Variants in KCNQ1 observed in about 807,000 individuals in gnomAD.
The protein encoded by KCNQ1 is potassium voltage-gated channel subfamily Q member 1.
KCNQ1 carries 49 observed loss-of-function variants against 72.4 expected under a neutral mutation model. The ratio of observed to expected loss-of-function variants is 0.68; its 90% CI spans 0.54 to 0.86. The LOEUF (loss-of-function observed/expected upper bound fraction) is 0.86, where lower values mean the gene tolerates loss of function less well. KCNQ1 is among the 40% of genes least tolerant of loss of function. The pLI is 0.00. For synonymous variants in KCNQ1, 450 were observed against 412.6 expected, an observed-to-expected ratio of 1.09 and a Z score of -1.10; for missense variants, 790 against 945.1, an observed-to-expected ratio of 0.84 and a Z score of 2.15.
chr11:2,651,075 T>C lies in KCNQ1; in HGVS notation c.1394-10886T>C, dbSNP rs997275595. The C allele has an allele frequency of 7.5e-6, 3 of 398,706 alleles. No individual in the cohort carries two copies. Among genetic ancestry groups the C allele is most frequent in the Non-Finnish European group, 1.3e-5 (3 of 226,172 alleles). 24.7% of individuals were successfully genotyped at this position (398,706 alleles called of 1,614,324 possible). A position where few individuals can be genotyped will look rare whatever the true frequency, so the allele number is the denominator to read the frequency against. ...TGCCTACATTGTTGTCCATACCTCA[T>C]TACTGGTCTCTTGATTTCCACTCTT... is the stretch of plus-strand genomic sequence containing the variant. On this transcript the variant is annotated intron_variant, in intron 10 of 15. Coordinates refer to ENST00000155840, the MANE Select transcript of KCNQ1 (RefSeq NM_000218.3). The surrounding 1 kb of genome is among the most constrained non-coding windows in gnomAD (Gnocchi z 6.1).
intron 1 of KCNQ1, among the ~76,000 whole-genome samples, chr11:2,505,157 C>T (rs1370273656): frequency 6.6e-6 from 1 of 152,016 alleles, no homozygotes; most frequent in Non-Finnish European, 1.5e-5. Flanking sequence ...ACCTGTCAAC[C>T]CATCACCTAG....
rs1382413457 is a variant in KCNQ1 at position 2,634,147 on chromosome 11, T to TA, written c.1394-27814_1394-27813insA. 10 of 397,892 alleles carry TA rather than the reference T, an allele frequency of 2.5e-5. No individual in the cohort carries two copies. In the Admixed American group the frequency reaches 3.5e-4, roughly 14 times the overall value. The allele number at this position is 397,892 out of a possible 1,614,324, so 24.6% of individuals were successfully genotyped here. On this transcript the variant is annotated intron_variant, in intron 10 of 15. Coordinates refer to ENST00000155840, the MANE Select transcript of KCNQ1 (RefSeq NM_000218.3). ...GATTGTCTTTGGTATTTTTTTTTTT[T>TA]TAGATTTCTCTTTTCTCTCTCTCTC... is the stretch of plus-strand genomic sequence containing the variant.
chr11:2,512,826 C>T (rs543958228), intron 1 of KCNQ1, among the ~76,000 whole-genome samples: 41 of 152,330 alleles, frequency 2.7e-4, no homozygotes, highest in African/African-American at 9.6e-4. Context: ...CACCCCTAGC[C>T]GTGGGAGTTG....
rs529146987 is a variant in KCNQ1 at position 2,819,259 on chromosome 11, C to T, written c.1795-28508C>T. ...TGACAGAGCATTGTGTGCTCTATGC[C>T]TGCCCATGTGCTGAGGAAGGAGCAG... On this transcript the variant is annotated intron_variant, in intron 15 of 15. Transcript: ENST00000155840. Among the ~76,000 whole-genome samples, 30 of 152,326 alleles carry T rather than the reference C, an allele frequency of 2.0e-4. No individual in the cohort carries two copies. The East Asian group carries it at 3.3e-3, about 17-fold the overall frequency.
chr11:2,718,271 C>G lies in KCNQ1; in HGVS notation c.1515-50573C>G, dbSNP rs966781290. 1.6e-3 allele frequency among the ~76,000 whole-genome samples: 246 copies of G among 152,318 alleles called. 1 individual carries two copies. The highest frequency in any genetic ancestry group is 1.7e-3 in the Non-Finnish European group (115 of 68,024). On this transcript the variant is annotated intron_variant, in intron 11 of 15. Transcript: ENST00000155840. ...TTGCTCTGGGCTTCAGGGGCCTGAG[C>G]CCCAGGTAGACCCCCACACTTAGGG...
rs113772972 is a variant in KCNQ1, at chr11:2,526,946, T to C, written c.387-982T>C. 0.068 allele frequency among the ~76,000 whole-genome samples: 10,405 copies of C among 152,138 alleles called. 1,121 individuals carry two copies. Among genetic ancestry groups the C allele is most frequent in the African/African-American group, 0.23 (9,381 of 41,480 alleles). ...TGGCCCTGGGGGCCATGTGGCCATC[T>C]CCTGGCTCTCCGGTCGCTGAGGATC... On this transcript the variant is annotated intron_variant, in intron 1 of 15. Transcript: ENST00000155840. This position sits in a 1 kb window ranked among gnomAD's most constrained non-coding sequence, Gnocchi z 6.1.
chr11:2,743,132 C>T (rs1286314691), intron 11 of KCNQ1, among the ~76,000 whole-genome samples: 3 of 152,162 alleles, frequency 2.0e-5, no homozygotes, highest in Non-Finnish European at 4.4e-5. Context: ...CAGATCTGGG[C>T]CTGGAGACCC....
rs1465806904 is a variant in KCNQ1, at chr11:2,698,439, C to T, written c.1514+36358C>T. Reference sequence around the variant, plus strand: ...TGGCCCTTCAAGCCTACTACCCAGACTGAGACCTGCATCTGATCAACTCTC... The same window carrying T: ...TGGCCCTTCAAGCCTACTACCCAGATTGAGACCTGCATCTGATCAACTCTC... On this transcript the variant is annotated intron_variant, in intron 11 of 15. Coordinates refer to ENST00000155840, the MANE Select transcript of KCNQ1 (RefSeq NM_000218.3). This position sits in a 1 kb window ranked among gnomAD's most constrained non-coding sequence, Gnocchi z 5.1. The T allele has an allele frequency of 2.7e-6, 1 of 374,776 alleles. No homozygotes were observed. The highest frequency in any genetic ancestry group is 4.6e-6 in the Non-Finnish European group (1 of 219,268). The allele number at this position is 374,776 out of a possible 1,614,324, so 23.2% of individuals were successfully genotyped here.
At chr11:2,685,091 G>A in intron 11 of KCNQ1, 1 of 398,670 alleles carries the variant, frequency 2.5e-6, no homozygotes, top group Non-Finnish European at 4.4e-6. Flanking sequence ...AGATTCCAGG[G>A]AAGGGGCCCT....
rs1850006306 is a variant in KCNQ1, at chr11:2,663,472, G to T, written c.1514+1391G>T. 2.5e-6 allele frequency: 1 copy of T among 398,598 alleles called. No homozygotes were observed. The highest frequency in any genetic ancestry group is 2.1e-5 in the African/African-American group (1 of 48,644). The allele number at this position is 398,598 out of a possible 1,614,324, so 24.7% of individuals were successfully genotyped here. Reference sequence around the variant, plus strand: ...CAAAGTGATCAGTGTTAGTTTAGTGGCTCATGTTGTGTGCAATACAGGTGG... The same window carrying T: ...CAAAGTGATCAGTGTTAGTTTAGTGTCTCATGTTGTGTGCAATACAGGTGG... On this transcript the variant is annotated intron_variant, in intron 11 of 15. Coordinates refer to ENST00000155840, the MANE Select transcript of KCNQ1 (RefSeq NM_000218.3). This position sits in a 1 kb window ranked among gnomAD's most constrained non-coding sequence, Gnocchi z 5.2.
chr11:2,557,645 A>T (rs536004306), intron 2 of KCNQ1, among the ~76,000 whole-genome samples: 2 of 152,150 alleles, frequency 1.3e-5, no homozygotes, highest in African/African-American at 4.8e-5. Context: ...TTGCATCTAC[A>T]TGGCTGGTAA....
Position 2,495,434 on chromosome 11 carries a change from G to A in KCNQ1, c.387-32494G>A, listed in dbSNP as rs1295360514. On this transcript the variant is annotated intron_variant, in intron 1 of 15. Transcript: ENST00000155840. This position sits in a 1 kb window ranked among gnomAD's most constrained non-coding sequence, Gnocchi z 4.6. Reference sequence around the variant, plus strand: ...GTTCTTTTAATTGTGATGTTTGGGTGTCGATTTCAGATCTCTCTAGCTTTC... The same window carrying A: ...GTTCTTTTAATTGTGATGTTTGGGTATCGATTTCAGATCTCTCTAGCTTTC... Among the ~76,000 whole-genome samples, 2 of 152,102 alleles carry A rather than the reference G, an allele frequency of 1.3e-5. No homozygotes were observed. The highest frequency in any genetic ancestry group is 4.8e-5 in the African/African-American group (2 of 41,396).
In KCNQ1 at chr11:2,446,632, G is replaced by A. The variant is rs1057310134; in HGVS notation, c.386+1148G>A. 3.9e-5 allele frequency among the ~76,000 whole-genome samples: 6 copies of A among 152,188 alleles called. No homozygotes were observed. The highest frequency in any genetic ancestry group is 7.4e-5 in the Non-Finnish European group (5 of 68,020). On this transcript the variant is annotated intron_variant, in intron 1 of 15. Coordinates refer to ENST00000155840, the MANE Select transcript of KCNQ1 (RefSeq NM_000218.3). This position sits in a 1 kb window ranked among gnomAD's most constrained non-coding sequence, Gnocchi z 8.8. ...CAGGTGAGGGGGTGGGGTAGGGGTC[G>A]CAGGGCTACTGCCTTCCTTGCTAAG...
At chr11:2,583,656 T>A (rs920449739) in intron 7 of KCNQ1, 111 bp downstream of exon 7, 2 of 804,348 alleles carry the variant, frequency 2.5e-6, no homozygotes, top group Non-Finnish European at 4.4e-6. Flanking sequence ...ACCAAGAGGG[T>A]GCTTCCCTTC....
Position 2,617,070 on chromosome 11 carries a change from CT to C in KCNQ1, c.1393+28220del, listed in dbSNP as rs1849079069. The C allele has an allele frequency of 2.5e-6, 1 of 397,834 alleles. No homozygotes were observed. Among genetic ancestry groups the C allele is most frequent in the Non-Finnish European group, 4.4e-6 (1 of 225,792 alleles). 24.6% of individuals were successfully genotyped at this position (397,834 alleles called of 1,614,324 possible). On this transcript the variant is annotated intron_variant, in intron 10 of 15. Coordinates refer to ENST00000155840, the MANE Select transcript of KCNQ1 (RefSeq NM_000218.3). This position sits in a 1 kb window ranked among gnomAD's most constrained non-coding sequence, Gnocchi z 4.6. ...ATATGTCCATCATCTCACAGTTATT[CT>C]TTTGTGTGTATGAGTGAGAAAAGCT...
At chr11:2,672,017 G>T (rs1411064096) in intron 11 of KCNQ1, 1 of 398,540 alleles carries the variant, frequency 2.5e-6, no homozygotes. Context: ...TGTTGGGCTT[G>T]TCTCCCTACC....
In KCNQ1 at chr11:2,674,878, G is replaced by A; in HGVS notation, c.1514+12797G>A. 2.5e-6 allele frequency: 1 copy of A among 396,564 alleles called. No homozygotes were observed. The allele number at this position is 396,564 out of a possible 1,614,324, so 24.6% of individuals were successfully genotyped here. Reference sequence around the variant, plus strand: ...AAAAAAAAGCTCACTGGGCACCTTGGCTGCAGGGTCTGAAAAGTCCTTTGT... The same window carrying A: ...AAAAAAAAGCTCACTGGGCACCTTGACTGCAGGGTCTGAAAAGTCCTTTGT... On this transcript the variant is annotated intron_variant, in intron 11 of 15. Transcript: ENST00000155840. This position sits in a 1 kb window ranked among gnomAD's most constrained non-coding sequence, Gnocchi z 5.9.
rs1464690937 is a variant in KCNQ1 at position 2,484,052 on chromosome 11, T to C, written c.386+38568T>C. Among the ~76,000 whole-genome samples the C allele has an allele frequency of 6.6e-6, 1 of 152,244 alleles. No individual in the cohort carries two copies. Among genetic ancestry groups the C allele is most frequent in the African/African-American group, 2.4e-5 (1 of 41,464 alleles). ...ATTTGGATTCTTCTCCAGGAAGAGCTGTCCCCTTTGTTCTGGTTATGTATC... is the reference window on the plus strand; with the variant it reads ...ATTTGGATTCTTCTCCAGGAAGAGCCGTCCCCTTTGTTCTGGTTATGTATC... On this transcript the variant is annotated intron_variant, in intron 1 of 15. Transcript: ENST00000155840. This position sits in a 1 kb window ranked among gnomAD's most constrained non-coding sequence, Gnocchi z 5.2.
chr11:2,646,461 G>A (rs1849667866), intron 10 of KCNQ1: 1 of 398,516 alleles, frequency 2.5e-6, no homozygotes, highest in Middle Eastern at 6.3e-4. Context: ...TATTGCAAAT[G>A]GGATTGCTTT....
Sources: gnomAD v4.1 joint callset for allele counts (sites outside exome capture counted in the v4.1 genomes callset) on GRCh38, gnomAD v4.1.1 for gene constraint, Gnocchi (gnomAD v3.1) non-coding constraint, MANE v1.5 for transcripts, NCBI Gene and HGNC (gene_info 2026-07-23, HGNC 2026-07-21) for gene names.